Variants in CHRM2 observed in about 807,000 individuals in gnomAD.
CHRM2 encodes the protein cholinergic receptor muscarinic 2.
CHRM2 carries 8 observed loss-of-function variants against 25.0 expected under a neutral mutation model. The ratio of observed to expected loss-of-function variants is 0.32; its 90% CI spans 0.19 to 0.58. The LOEUF (loss-of-function observed/expected upper bound fraction) is 0.58. CHRM2 is among the 20% of genes least tolerant of loss of function. CHRM2 has a pLI of 0.88. For missense variants in CHRM2, 440 were observed against 567.1 expected (o/e 0.78, Z 2.28); for synonymous variants, 202 against 205.7 (o/e 0.98, Z 0.15).
At chr7:136,891,453 G>A (rs1450728263) in intron 2 of CHRM2, among the ~76,000 whole-genome samples, 3 of 152,104 alleles carry the variant, frequency 2.0e-5, no homozygotes, top group Non-Finnish European at 4.4e-5. Flanking sequence ...GGGGTTTGGG[G>A]GATGAGGACC....
At chr7:136,884,985 A>G (rs1796407154) in intron 2 of CHRM2, among the ~76,000 whole-genome samples, 1 of 152,176 alleles carries the variant, frequency 6.6e-6, no homozygotes, top group South Asian at 2.1e-4. Context: ...TCCTGGTGTG[A>G]GCTCCCCAAG....
intron 2 of CHRM2, among the ~76,000 whole-genome samples, chr7:136,980,051 A>G (rs1802379038): frequency 6.6e-6 from 1 of 152,170 alleles, no homozygotes; most frequent in Non-Finnish European, 1.5e-5. Context: ...GGCCATTTTC[A>G]TGATATTGAT....
chr7:137,011,867 T>C (rs1366021346), intron 3 of CHRM2, among the ~76,000 whole-genome samples: 1 of 151,990 alleles, frequency 6.6e-6, no homozygotes, highest in Non-Finnish European at 1.5e-5. Context: ...GCCAACCCCT[T>C]TTCCAGAATT....
intron 2 of CHRM2, among the ~76,000 whole-genome samples, chr7:136,951,746 T>C (rs1352558167): frequency 6.6e-6 from 1 of 152,226 alleles, no homozygotes; most frequent in Non-Finnish European, 1.5e-5. Context: ...CATTCGTCAC[T>C]GTAAGCACTG....
intron 2 of CHRM2, among the ~76,000 whole-genome samples, chr7:136,894,347 T>C (rs1796806910): frequency 6.6e-6 from 1 of 152,130 alleles, no homozygotes; most frequent in African/African-American, 2.4e-5. Flanking sequence ...AATTGTCACT[T>C]TATAATTTCT....
At chr7:136,943,794 G>A (rs1445795614) in intron 2 of CHRM2, among the ~76,000 whole-genome samples, 1 of 152,002 alleles carries the variant, frequency 6.6e-6, no homozygotes, top group Non-Finnish European at 1.5e-5. Flanking sequence ...ACTTATGGAG[G>A]ACACAAAGTA....
chr7:137,000,195 T>C (rs1803894967), intron 3 of CHRM2, among the ~76,000 whole-genome samples: 1 of 560 alleles, frequency 1.8e-3, no homozygotes, highest in East Asian at 0.045. Context: ...TTTTTCTTTC[T>C]TTTTTTTTTT....
intron 2 of CHRM2, among the ~76,000 whole-genome samples, chr7:136,949,995 C>A (rs1373095755): frequency 6.6e-6 from 1 of 152,126 alleles, no homozygotes; most frequent in Non-Finnish European, 1.5e-5. Flanking sequence ...CACATTTATT[C>A]ACATTCTTTC....
chr7:136,966,450 C>T (rs1801420853), intron 2 of CHRM2, among the ~76,000 whole-genome samples: 1 of 151,774 alleles, frequency 6.6e-6, no homozygotes, highest in Non-Finnish European at 1.5e-5. Flanking sequence ...CTGAGGGTCA[C>T]TAAGGTTTTC....
chr7:136,983,407 T>C lies in CHRM2; in HGVS notation c.-124-8780T>C, dbSNP rs182706673. On this transcript the variant is annotated intron_variant, in intron 2 of 3. Transcript: ENST00000680005. Reference sequence around the variant, plus strand: ...CCTTTAGCTTGGAGGACTTTGTTATTACCCACCTTCTGAGGTCTACTTCTG... The same window carrying C: ...CCTTTAGCTTGGAGGACTTTGTTATCACCCACCTTCTGAGGTCTACTTCTG... Among the ~76,000 whole-genome samples, 49 of 152,294 alleles carry C rather than the reference T, an allele frequency of 3.2e-4. 1 individual carries two copies. In the East Asian group the frequency reaches 9.3e-3, roughly 29 times the overall value.
At position 136,961,848 on chromosome 7, in the gene CHRM2, T is replaced by C. The variant is rs981463884; in HGVS notation, c.-124-30339T>C. On this transcript the variant is annotated intron_variant, in intron 2 of 3. Transcript: ENST00000680005. ...AGGAGAAGAGCTGGTCATGGATATG[T>C]GGAGAAGAAAGTAGAGGAGAAGGAG... is the stretch of plus-strand genomic sequence containing the variant. Among the ~76,000 whole-genome samples, 8 of 151,814 alleles carry C rather than the reference T, an allele frequency of 5.3e-5. No homozygotes were observed. The East Asian group carries it at 7.7e-4, about 15-fold the overall frequency.
rs1219668800 is a variant in CHRM2 at position 136,944,134 on chromosome 7, T to C, written c.-124-48053T>C. ...GAACAGGTCATTTGGGGAACATGTTTGGTTACATGAATAATTTCTTTAGTG... is the reference window on the plus strand; with the variant it reads ...GAACAGGTCATTTGGGGAACATGTTCGGTTACATGAATAATTTCTTTAGTG... On this transcript the variant is annotated intron_variant, in intron 2 of 3. Transcript: ENST00000680005. Among the ~76,000 whole-genome samples, 3 of 152,196 alleles carry C rather than the reference T, an allele frequency of 2.0e-5. No homozygotes were observed. In the East Asian group the frequency reaches 5.8e-4, roughly 29 times the overall value.
At chr7:136,982,062 C>T (rs324617) in intron 2 of CHRM2, among the ~76,000 whole-genome samples, 128,995 of 152,082 alleles carry the variant, frequency 0.85, 55,651 homozygotes, top group Middle Eastern at 0.97. Context: ...TCTCCCACTA[C>T]TATTGTTTAG....
intron 2 of CHRM2, among the ~76,000 whole-genome samples, chr7:136,936,762 AT>A: frequency 6.6e-6 from 1 of 152,234 alleles, no homozygotes; most frequent in Non-Finnish European, 1.5e-5. Flanking sequence ...ATCAATTATA[AT>A]TTTCAAATAT....
chr7:136,971,618 C>CA (rs10708408), intron 2 of CHRM2, among the ~76,000 whole-genome samples: 3,531 of 92,910 alleles, frequency 0.038, 82 homozygotes, highest in Middle Eastern at 0.052. Context: ...CTCTGTTTCA[C>CA]AAAAAAAAAA....
intron 2 of CHRM2, among the ~76,000 whole-genome samples, chr7:136,907,451 G>A (rs982445692): frequency 6.6e-6 from 1 of 151,920 alleles, no homozygotes; most frequent in Admixed American, 6.6e-5. Flanking sequence ...GTGAGAAATA[G>A]TCTAAGCTCT....
intron 3 of CHRM2, among the ~76,000 whole-genome samples, chr7:136,995,790 T>A (rs1042872337): frequency 2.6e-5 from 4 of 151,890 alleles, no homozygotes; most frequent in East Asian, 1.9e-4. Context: ...AATAAAATTT[T>A]AAAAAATAAT....
intron 2 of CHRM2, chr7:136,902,776 G>A (rs761081120): frequency 2.9e-5 from 7 of 240,238 alleles, no homozygotes; most frequent in African/African-American, 1.7e-4. Context: ...AATAAGACGT[G>A]TAGACATTAA....
At chr7:136,937,652 T>G (rs1385804476) in intron 2 of CHRM2, among the ~76,000 whole-genome samples, 2 of 152,204 alleles carry the variant, frequency 1.3e-5, no homozygotes, top group Non-Finnish European at 2.9e-5. Flanking sequence ...TTCAGTATAA[T>G]TAGGTTTTCA....
Sources: allele counts gnomAD v4.1 joint callset (sites outside exome capture counted in the v4.1 genomes callset), GRCh38; gene constraint gnomAD v4.1.1; transcripts MANE v1.5; gene names NCBI Gene and HGNC (gene_info 2026-07-23, HGNC 2026-07-21).